ABCC2: variants seen among roughly 807,000 people sequenced by gnomAD.
The protein encoded by ABCC2 is ATP binding cassette subfamily C member 2.
In ABCC2, 157 loss-of-function variants were observed where a neutral mutation model predicts 173.4. The ratio of observed to expected loss-of-function variants is 0.91; its 90% CI spans 0.80 to 1.03. The LOEUF is 1.03. ABCC2 is among the 50% of genes least tolerant of loss of function. The pLI is 0.00. For missense variants in ABCC2, 1,822 were observed against 1,852.3 expected, an observed-to-expected ratio of 0.98 and a Z score of 0.30; for synonymous variants, 657 against 693.5, an observed-to-expected ratio of 0.95 and a Z score of 0.83.
chr10:99,831,498 C>A, intron 21 of ABCC2, 113 bp from the exon 22 acceptor site: 1 of 1,049,082 alleles, frequency 9.5e-7, no homozygotes. Context: ...ATTTTGCTAC[C>A]TGCTACCCAT....
Position 99,830,624 on chromosome 10 carries a change from G to A in ABCC2, c.2748-92G>A, listed in dbSNP as rs2038722003. On this transcript the variant is annotated intron_variant, in intron 20 of 31. Coordinates refer to ENST00000647814, the MANE Select transcript of ABCC2 (RefSeq NM_000392.5). ...TTCCCCTGGTCATCTGCCCTGAAAT[G>A]CGCTTTGATGCCAGCTGAGTGACTG... 2.5e-6 allele frequency: 4 copies of A among 1,597,580 alleles called. No homozygotes were observed. In the Admixed American group the frequency reaches 5.0e-5, roughly 20 times the overall value.
At chr10:99,802,640 T>C (rs1443338979) in intron 9 of ABCC2, among the ~76,000 whole-genome samples, 1 of 152,160 alleles carries the variant, frequency 6.6e-6, no homozygotes, top group Non-Finnish European at 1.5e-5. Context: ...TTCCAAAGAA[T>C]GTATTGGTGG....
intron 16 of ABCC2, among the ~76,000 whole-genome samples, chr10:99,815,248 A>G (rs923137436): frequency 5.3e-5 from 8 of 152,176 alleles, no homozygotes; most frequent in Non-Finnish European, 1.2e-4. Flanking sequence ...TTCTAGCTTC[A>G]TCCATGTCCC....
rs1056883043 is a variant in ABCC2, at chr10:99,808,115, G to T, written c.1701G>T (p.Leu567=). 1 of 1,614,064 alleles carries T rather than the reference G, an allele frequency of 6.2e-7. No homozygotes were observed. Among genetic ancestry groups the T allele is most frequent in the Admixed American group, 1.7e-5 (1 of 60,016 alleles). ...VSVVTFSVYV[L]VDSNNILDAQ... is the part of the protein sequence containing the mutation. ...TGGTCACATTTTCTGTTTATGTCCT[G>T]GTGGATAGCAACAATATTTTGGATG... The change falls in exon 13 of 32, where the codon CTG becomes CTT. Residue 567 remains leucine, a synonymous_variant. Coordinates refer to ENST00000647814, the MANE Select transcript of ABCC2 (RefSeq NM_000392.5).
intron 19 of ABCC2, among the ~76,000 whole-genome samples, chr10:99,824,714 T>G (rs1333110131): frequency 2.0e-5 from 3 of 152,286 alleles, no homozygotes; most frequent in African/African-American, 7.2e-5. Context: ...GCCAGTCTTT[T>G]GGGATCATGG....
chr10:99,844,509 AAAC>A (rs1265089788), intron 28 of ABCC2, 44 bp downstream of exon 28: 1 of 1,606,918 alleles, frequency 6.2e-7, no homozygotes, highest in African/African-American at 1.3e-5. Context: ...CCTTGTGATC[AAAC>A]AACAATTGGA....
intron 12 of ABCC2, 135 bp downstream of exon 12, chr10:99,807,656 AC>A: frequency 7.9e-7 from 1 of 1,269,510 alleles, no homozygotes; most frequent in Non-Finnish European, 1.1e-6. Flanking sequence ...TGTCCCTCTC[AC>A]CGCCCCATGC....
At chr10:99,786,155 G>C (rs1292977438) in intron 2 of ABCC2, among the ~76,000 whole-genome samples, 2 of 152,120 alleles carry the variant, frequency 1.3e-5, no homozygotes, top group Non-Finnish European at 1.5e-5. Flanking sequence ...GGGAATAGTG[G>C]TTGATTCAAG....
chr10:99,786,113 C>T (rs1310147602), intron 2 of ABCC2, among the ~76,000 whole-genome samples: 1 of 152,094 alleles, frequency 6.6e-6, no homozygotes. Flanking sequence ...TGGAATACAA[C>T]ATTTGTTGAA....
intron 30 of ABCC2, 80 bp from the exon 31 acceptor site, chr10:99,850,522 G>A (rs1399879716): frequency 7.0e-7 from 1 of 1,421,858 alleles, no homozygotes; most frequent in African/African-American, 1.4e-5. Context: ...GTCTGATCTG[G>A]AACATGAAAA....
In ABCC2 at chr10:99,804,283, A is replaced by G. The variant is rs2038063280; in HGVS notation, c.1464+10A>G. On this transcript the variant is annotated intron_variant, in intron 10 of 31. Transcript: ENST00000647814. ...GAGTAAGACCATTCAGGTAAAGAAA[A>G]AGTCACCCAGAAGAATATAAGCTTT... The G allele has an allele frequency of 1.2e-6, 2 of 1,613,982 alleles. No individual in the cohort carries two copies. Among genetic ancestry groups the G allele is most frequent in the Non-Finnish European group, 1.7e-6 (2 of 1,179,960 alleles).
At chr10:99,829,412 CT>C (rs891177601) in intron 19 of ABCC2, among the ~76,000 whole-genome samples, 20 of 151,516 alleles carry the variant, frequency 1.3e-4, no homozygotes, top group African/African-American at 4.9e-4. Context: ...TGTTGCAAGC[CT>C]TTGGTTAATT....
intron 25 of ABCC2, among the ~76,000 whole-genome samples, chr10:99,839,269 G>T (rs1356378821): frequency 8.5e-6 from 1 of 117,720 alleles, no homozygotes; most frequent in Admixed American, 7.7e-5. Context: ...GGACGGGGCG[G>T]CTGGCCGGGC....
In ABCC2 at chr10:99,841,993, T is replaced by C. The variant is rs200286512; in HGVS notation, c.3641T>C (p.Val1214Ala). The C allele has an allele frequency of 8.1e-6, 13 of 1,614,200 alleles. No individual in the cohort carries two copies. The Admixed American group carries it at 1.7e-4, about 21-fold the overall frequency. The change falls in exon 26 of 32, where the codon GTT (valine) becomes GCT (alanine). Residue 1214 changes from valine to alanine, a missense_variant. By Grantham distance (64) the Val-to-Ala change is moderately conservative. Transcript: ENST00000647814. ...NRWLAIRLELVGNLTVFFSAL... is the reference protein window; with the variant it reads ...NRWLAIRLELAGNLTVFFSAL... ...TGGCTTGCAATTCGCCTGGAGCTGG[T>C]TGGGAACCTGACTGTCTTCTTTTCA...
chr10:99,814,971 CTTT>C (rs201601175), intron 16 of ABCC2, among the ~76,000 whole-genome samples: 3 of 142,916 alleles, frequency 2.1e-5, no homozygotes, highest in Admixed American at 7.0e-5. Flanking sequence ...GCCCCACTAA[CTTT>C]TTTTTTTTTT....
At chr10:99,814,178 TGTATGTATACACAC>T (rs2038282383) in intron 16 of ABCC2, among the ~76,000 whole-genome samples, 7 of 76,908 alleles carry the variant, frequency 9.1e-5, no homozygotes, top group East Asian at 4.5e-4. Context: ...TATACACACA[TGTATGTATACACAC>T]ATGTGTATAT....
intron 19 of ABCC2, among the ~76,000 whole-genome samples, chr10:99,826,003 G>A (rs1288732676): frequency 2.0e-5 from 3 of 152,224 alleles, no homozygotes; most frequent in African/African-American, 7.2e-5. Flanking sequence ...CCCGACAATG[G>A]TTGCCCATTT....
In ABCC2 at chr10:99,850,742, A is replaced by C. The variant is rs780026074; in HGVS notation, c.4454A>C (p.His1485Pro). 1.9e-6 allele frequency: 3 copies of C among 1,614,112 alleles called. No individual in the cohort carries two copies. In the African/African-American group the frequency reaches 4.0e-5, roughly 22 times the overall value. Reference sequence around the variant, plus strand: ...ACGACCATCCAAAACGAGTTCGCCCACTGCACAGTGATCACCATCGCCCAC... The same window carrying C: ...ACGACCATCCAAAACGAGTTCGCCCCCTGCACAGTGATCACCATCGCCCAC... ...IQTTIQNEFA[H>P]CTVITIAHRL... The change falls in exon 31 of 32, where the codon CAC (histidine) becomes CCC (proline). Residue 1485 changes from histidine (H) to proline (P), a missense_variant. His to Pro is a moderately conservative substitution (Grantham distance 77). Coordinates refer to ENST00000647814, the MANE Select transcript of ABCC2 (RefSeq NM_000392.5).
chr10:99,800,614 G>A (rs2038001485), intron 9 of ABCC2, 51 bp downstream of exon 9: 1 of 1,594,560 alleles, frequency 6.3e-7, no homozygotes, highest in Non-Finnish European at 8.6e-7. Context: ...CAGTAAATAT[G>A]AGCATTGATT....
Sources: allele counts gnomAD v4.1 joint callset (sites outside exome capture counted in the v4.1 genomes callset), GRCh38; gene constraint gnomAD v4.1.1; transcripts MANE v1.5; gene names NCBI Gene and HGNC (gene_info 2026-07-23, HGNC 2026-07-21).